SLC9A6: variants seen among roughly 807,000 people sequenced by gnomAD.
SLC9A6 encodes the protein solute carrier family 9 member A6, also known as sodium/hydrogen exchanger 6.
Under a neutral mutation model 45.3 loss-of-function variants are expected in SLC9A6, and 6 were observed. The ratio of observed to expected loss-of-function variants is 0.13; its 90% CI spans 0.07 to 0.26. SLC9A6 has a LOEUF of 0.26. Among genes scored for constraint, SLC9A6 ranks in the 10% least tolerant of loss-of-function variants. SLC9A6 has a pLI of 1.00. For synonymous variants in SLC9A6, 191 were observed against 187.7 expected (o/e 1.02, Z -0.14); for missense variants, 278 against 503.7 (o/e 0.55, Z 4.29).
At chrX:135,975,981 C>CAAAAAAAAAAAA (rs782541566) in intron 1 of SLC9A6, among the ~76,000 whole-genome samples, 1 of 62,455 alleles carries the variant, frequency 1.6e-5, no homozygotes, top group African/African-American at 6.3e-5. Context: ...TTTCTCTAAC[C>CAAAAAAAAAAAA]AAAAAAAAAA....
At chrX:135,997,049 A>T (rs1363018803) in intron 3 of SLC9A6, among the ~76,000 whole-genome samples, 1 of 101,535 alleles carries the variant, frequency 9.8e-6, no homozygotes, top group Non-Finnish European at 2.0e-5. Context: ...TACAGGCTTG[A>T]GCCACCACGC....
At chrX:136,026,432 G>T (rs2071226726) in intron 13 of SLC9A6, among the ~76,000 whole-genome samples, 1 of 111,885 alleles carries the variant, frequency 8.9e-6, no homozygotes, top group Admixed American at 9.5e-5. Flanking sequence ...GCTAATATCT[G>T]TAAAGTTCTT....
chrX:136,032,076 C>T (rs781804562), intron 15 of SLC9A6, among the ~76,000 whole-genome samples: 2 of 111,855 alleles, frequency 1.8e-5, no homozygotes, highest in African/African-American at 3.3e-5. Context: ...TATTTATTTA[C>T]TTACTTACTG....
At chrX:136,002,656 G>A (rs2089599637) in intron 7 of SLC9A6, among the ~76,000 whole-genome samples, 1 of 109,374 alleles carries the variant, frequency 9.1e-6, no homozygotes, top group Admixed American at 9.8e-5. Context: ...CTGCCTCCCA[G>A]GTTCAAGTGA....
At chrX:135,990,079 G>A (rs988759958) in intron 2 of SLC9A6, among the ~76,000 whole-genome samples, 19 of 111,446 alleles carry the variant, frequency 1.7e-4, no homozygotes, top group African/African-American at 6.2e-4. Flanking sequence ...TCCGCCTCCT[G>A]GGTTCATGCC....
intron 2 of SLC9A6, among the ~76,000 whole-genome samples, chrX:135,989,286 G>T (rs980121775): frequency 1.5e-4 from 17 of 111,835 alleles, no homozygotes; most frequent in African/African-American, 5.5e-4. Context: ...TTGCTCCTTG[G>T]GTTAGCTTTC....
chrX:136,038,615 A>G (rs1430537612), intron 16 of SLC9A6, among the ~76,000 whole-genome samples: 1 of 110,449 alleles, frequency 9.1e-6, no homozygotes, highest in African/African-American at 3.3e-5. Context: ...GATTAGTGTT[A>G]TTATTATTTT....
intron 3 of SLC9A6, among the ~76,000 whole-genome samples, chrX:135,995,219 A>G (rs1486875727): frequency 1.8e-5 from 2 of 112,539 alleles, no homozygotes; most frequent in Admixed American, 1.9e-4. Context: ...TGGATTGTTT[A>G]CAGCTTGTTG....
At chrX:136,012,778 A>G (rs1246733686) in intron 8 of SLC9A6, among the ~76,000 whole-genome samples, 171 bp from the exon 9 acceptor site, 1 of 112,705 alleles carries the variant, frequency 8.9e-6, no homozygotes, top group Non-Finnish European at 1.9e-5. Flanking sequence ...CTGACTCCTC[A>G]GTAAGATGCT....
intron 10 of SLC9A6, among the ~76,000 whole-genome samples, chrX:136,013,711 C>A (rs1300043019): frequency 9.0e-6 from 1 of 111,639 alleles, no homozygotes; most frequent in Non-Finnish European, 1.9e-5. Flanking sequence ...AGTGTTTTCC[C>A]AATTTAATGG....
rs781892884 is a variant in SLC9A6 at position 135,994,781 on chromosome X, T to C, written c.170-5T>C. ...AAGAAGAGCTTATGTTGTTCTTTTT[T>C]CCAGGTCTTTTGGTGGGCCTTGTGC... On this transcript the variant is annotated splice_polypyrimidine_tract_variant and splice_region_variant and intron_variant, in intron 2 of 17. Coordinates refer to ENST00000630721, the MANE Select transcript of SLC9A6 (RefSeq NM_001379110.1). The C allele has an allele frequency of 8.3e-7, 1 of 1,210,588 alleles. No homozygotes were observed. Among genetic ancestry groups the C allele is most frequent in the South Asian group, 1.8e-5 (1 of 56,994 alleles).
At chrX:136,010,391 T>G in intron 7 of SLC9A6, 51 bp from the exon 8 acceptor site, 1 of 1,181,558 alleles carries the variant, frequency 8.5e-7, no homozygotes, top group Non-Finnish European at 1.2e-6. Flanking sequence ...CATAATGTTT[T>G]TTTAAAAGTA....
intron 14 of SLC9A6, 104 bp downstream of exon 14, chrX:136,029,079 A>T (rs1556620824): frequency 1.1e-5 from 3 of 274,755 alleles, no homozygotes; most frequent in Non-Finnish European, 1.9e-5. Flanking sequence ...GGGTCGTAGA[A>T]TGGTTACTTT....
At position 136,002,115 on chromosome X, in the gene SLC9A6, T is replaced by A; in HGVS notation, c.645T>A (p.Val215=). 1 of 1,193,751 alleles carries A rather than the reference T, an allele frequency of 8.4e-7. No individual in the cohort carries two copies. Among genetic ancestry groups the A allele is most frequent in the Non-Finnish European group, 1.1e-6 (1 of 879,187 alleles). The change falls in exon 7 of 18, where the codon GTT becomes GTA. Residue 215 remains valine, a synonymous_variant. Coordinates refer to ENST00000630721, the MANE Select transcript of SLC9A6 (RefSeq NM_001379110.1). The stretch of plus-strand genomic sequence containing the variant: ...ACTCTTTTTACTTACTAGTGACTGT[T>A]CTTGCTATATTCCACGAGCTTCAAG... ...AIVSATDPVT[V]LAIFHELQVD... is the part of the protein sequence containing the mutation.
chrX:135,979,063 T>A (rs1446741550), intron 1 of SLC9A6, among the ~76,000 whole-genome samples: 1 of 111,125 alleles, frequency 9.0e-6, no homozygotes, highest in Non-Finnish European at 1.9e-5. Flanking sequence ...GGGAGATGGA[T>A]TTGAGACTGA....
At chrX:135,991,781 T>C (rs1212756311) in intron 2 of SLC9A6, among the ~76,000 whole-genome samples, 1 of 111,477 alleles carries the variant, frequency 9.0e-6, no homozygotes, top group East Asian at 2.8e-4. Flanking sequence ...TTTCCCTTTC[T>C]TCCTGACTTT....
chrX:136,012,738 C>T (rs183500890), intron 8 of SLC9A6, among the ~76,000 whole-genome samples: 3 of 112,324 alleles, frequency 2.7e-5, no homozygotes, highest in Middle Eastern at 4.6e-3. Context: ...GTGGCTAAGC[C>T]GTAAGGCTTC....
intron 11 of SLC9A6, among the ~76,000 whole-genome samples, chrX:136,022,183 A>G (rs1050878869): frequency 8.9e-6 from 1 of 111,768 alleles, no homozygotes; most frequent in African/African-American, 3.3e-5. Flanking sequence ...AAGTGAATTA[A>G]CCTATTCTAT....
rs549998480 is a variant in SLC9A6 at position 136,004,308 on chromosome X, C to T, written c.743+2095C>T. ...TTCACTGTGTTGGCCAGGCTGGTTT[C>T]GAACTCCTGACCTTAGGTGATCCAC... On this transcript the variant is annotated intron_variant, in intron 7 of 17. Transcript: ENST00000630721. Among the ~76,000 whole-genome samples, 6 of 109,158 alleles carry T rather than the reference C, an allele frequency of 5.5e-5. No individual in the cohort carries two copies. The South Asian group carries it at 2.4e-3, about 44-fold the overall frequency. The allele number at this position is 109,158 out of a possible 115,157, so 94.8% of individuals were successfully genotyped here. A position where few individuals can be genotyped will look rare whatever the true frequency, so the allele number is the denominator to read the frequency against.
Sources: allele counts gnomAD v4.1 joint callset (sites outside exome capture counted in the v4.1 genomes callset), GRCh38; gene constraint gnomAD v4.1.1; transcripts MANE v1.5; gene names NCBI Gene and HGNC (gene_info 2026-07-23, HGNC 2026-07-21).